The following CFAP61 variants were observed in gnomAD, a reference collection of about 807,000 sequenced individuals.
CFAP61 encodes cilia- and flagella-associated protein 61.
CFAP61 carries 107 observed loss-of-function variants against 135.6 expected under a neutral mutation model. The observed-to-expected ratio is 0.79, with a 90% CI of 0.67 to 0.93. CFAP61 has a LOEUF of 0.93. CFAP61 is among the 40% of genes least tolerant of loss of function. The pLI is 0.00. For missense variants in CFAP61, 1,507 were observed against 1,556.2 expected (o/e 0.97, Z 0.53); for synonymous variants, 575 against 578.5 (o/e 0.99, Z 0.09).
chr20:20,206,170 G>A (rs953485214), intron 17 of CFAP61, among the ~76,000 whole-genome samples: 2 of 152,160 alleles, frequency 1.3e-5, no homozygotes, highest in Non-Finnish European at 2.9e-5. Flanking sequence ...GTCAGGAATC[G>A]ATGCTACATC....
At chr20:20,321,566 G>C (rs1272625689) in intron 25 of CFAP61, among the ~76,000 whole-genome samples, 1 of 152,162 alleles carries the variant, frequency 6.6e-6, no homozygotes, top group Non-Finnish European at 1.5e-5. Context: ...ACTAGGTTTT[G>C]GGAAGGAACC....
chr20:20,277,305 G>C lies in CFAP61; in HGVS notation c.2643G>C (p.Ser881=). The change falls in exon 22 of 27, where the codon TCG becomes TCC. Residue 881 remains serine, a synonymous_variant. Transcript: ENST00000245957. ...CCATCACCTGCATCAACAACTACTC[G>C]GTGGAGAGCGCCGTGGCGGACGCGC... The part of the protein sequence containing the change: ...ASTITCINNY[S]VESAVADALG... 3 of 1,614,150 alleles carry C rather than the reference G, an allele frequency of 1.9e-6. No individual in the cohort carries two copies. Among genetic ancestry groups the C allele is most frequent in the Non-Finnish European group, 2.5e-6 (3 of 1,180,018 alleles).
At chr20:20,321,526 G>A (rs1207790550) in intron 25 of CFAP61, among the ~76,000 whole-genome samples, 1 of 152,330 alleles carries the variant, frequency 6.6e-6, no homozygotes, top group East Asian at 1.9e-4. Context: ...TTTCATGGTT[G>A]TATCTAACAG....
chr20:20,055,560 G>C (rs1178963349), intron 1 of CFAP61, among the ~76,000 whole-genome samples: 3 of 152,142 alleles, frequency 2.0e-5, no homozygotes, highest in Admixed American at 2.0e-4. Flanking sequence ...CACCTGGTTG[G>C]AGAATTTCCC....
chr20:20,097,313 T>G (rs1282289909), intron 7 of CFAP61, among the ~76,000 whole-genome samples: 4 of 152,214 alleles, frequency 2.6e-5, no homozygotes, highest in African/African-American at 4.8e-5. Context: ...ACCCAGTAAA[T>G]GCAGGTTTCT....
chr20:20,117,850 T>C (rs58050894), intron 8 of CFAP61, among the ~76,000 whole-genome samples: 14,957 of 152,184 alleles, frequency 0.098, 1,546 homozygotes, highest in East Asian at 0.59. Context: ...TTTTTATAGC[T>C]ATTGTAAATG....
intron 20 of CFAP61, among the ~76,000 whole-genome samples, chr20:20,261,773 G>A (rs1156754243): frequency 2.0e-5 from 3 of 151,940 alleles, no homozygotes; most frequent in Admixed American, 6.6e-5. Flanking sequence ...GCAACTAGAT[G>A]GAACTCAGTC....
intron 24 of CFAP61, among the ~76,000 whole-genome samples, chr20:20,295,977 G>A (rs560651916): frequency 7.5e-6 from 1 of 132,686 alleles, no homozygotes; most frequent in East Asian, 2.2e-4. Context: ...GCACACCAAC[G>A]CCTGCATGCT....
intron 26 of CFAP61, among the ~76,000 whole-genome samples, chr20:20,354,210 A>G (rs1326560925): frequency 6.6e-6 from 1 of 152,190 alleles, no homozygotes; most frequent in Admixed American, 6.5e-5. Context: ...TATGCTAAGT[A>G]TAATAATTCG....
chr20:20,330,002 T>C (rs1404012023), intron 25 of CFAP61, among the ~76,000 whole-genome samples: 1 of 152,216 alleles, frequency 6.6e-6, no homozygotes, highest in Admixed American at 6.5e-5. Flanking sequence ...TGCACATTCA[T>C]CCTTGCATTT....
At chr20:20,305,250 T>C (rs1373240680) in intron 25 of CFAP61, among the ~76,000 whole-genome samples, 1 of 152,234 alleles carries the variant, frequency 6.6e-6, no homozygotes, top group Non-Finnish European at 1.5e-5. Flanking sequence ...ACTGTGAGGC[T>C]CCAGAAGTTC....
intron 8 of CFAP61, among the ~76,000 whole-genome samples, chr20:20,124,148 T>C (rs1568954945): frequency 6.6e-6 from 1 of 151,544 alleles, no homozygotes; most frequent in Non-Finnish European, 1.5e-5. Flanking sequence ...GAAGAGTCTT[T>C]AGGGTTTTCG....
chr20:20,097,247 T>A (rs991278458), intron 7 of CFAP61, among the ~76,000 whole-genome samples: 15 of 152,258 alleles, frequency 9.9e-5, no homozygotes, highest in African/African-American at 3.6e-4. Context: ...ATTATTGAGT[T>A]CTGCTACTTT....
At chr20:20,075,083 T>C (rs2045958598) in intron 4 of CFAP61, 106 bp from the exon 5 acceptor site, 1 of 1,052,748 alleles carries the variant, frequency 9.5e-7, no homozygotes, top group Admixed American at 1.7e-5. Context: ...CCCATGTGGA[T>C]TTAGGAACAC....
chr20:20,266,665 G>A (rs79880719), intron 21 of CFAP61, among the ~76,000 whole-genome samples: 12,983 of 152,202 alleles, frequency 0.085, 693 homozygotes, highest in Middle Eastern at 0.13. Context: ...AGTAATGAGA[G>A]TAATAACATG....
At chr20:20,238,038 T>G (rs1441481868) in intron 18 of CFAP61, among the ~76,000 whole-genome samples, 1 of 152,230 alleles carries the variant, frequency 6.6e-6, no homozygotes, top group Non-Finnish European at 1.5e-5. Context: ...ATAAAAATTT[T>G]TTTAAAATAA....
intron 26 of CFAP61, among the ~76,000 whole-genome samples, chr20:20,342,623 C>T (rs1172054581): frequency 6.6e-6 from 1 of 152,216 alleles, no homozygotes; most frequent in Non-Finnish European, 1.5e-5. Flanking sequence ...TTAGCTTCTA[C>T]CTCGTGTTAC....
chr20:20,169,375 A>G lies in CFAP61; in HGVS notation c.1300A>G (p.Ile434Val), dbSNP rs201361123. The G allele has an allele frequency of 1.1e-5, 17 of 1,613,752 alleles. No homozygotes were observed. Among genetic ancestry groups the G allele is most frequent in the Admixed American group, 3.3e-5 (2 of 59,982 alleles). ...CCATCTCACCCCCGAGTTCTTCCTC[A>G]TCCAGAACTTCGTGAAAATGGTCCC... Reference protein sequence around the residue: ...LPHLTPEFFLIQNFVKMVPFN... With the variant: ...LPHLTPEFFLVQNFVKMVPFN... The change falls in exon 13 of 27, where the codon ATC becomes GTC. Residue 434 changes from isoleucine (I) to valine (V), a missense_variant. Ile to Val is a conservative substitution (Grantham distance 29, BLOSUM62 3). Transcript: ENST00000245957.
intron 9 of CFAP61, among the ~76,000 whole-genome samples, chr20:20,151,215 A>G (rs1050089252): frequency 2.0e-5 from 3 of 152,150 alleles, no homozygotes; most frequent in Non-Finnish European, 4.4e-5. Flanking sequence ...AAAGAAATAT[A>G]GCTTCTGGAA....
Sources: allele counts gnomAD v4.1 joint callset (sites outside exome capture counted in the v4.1 genomes callset), GRCh38; gene constraint gnomAD v4.1.1; transcripts MANE v1.5; gene names NCBI Gene and HGNC (gene_info 2026-07-23, HGNC 2026-07-21).